IDH1: variants seen among roughly 807,000 people sequenced by gnomAD.
IDH1 encodes the protein isocitrate dehydrogenase (NADP(+)) 1.
IDH1 carries 33 observed loss-of-function variants against 46.1 expected under a neutral mutation model. The ratio of observed to expected loss-of-function variants is 0.72; its 90% CI spans 0.54 to 0.96. IDH1 has a LOEUF of 0.96. IDH1 is among the 40% of genes least tolerant of loss of function. The pLI is 0.00. For missense variants in IDH1, 421 were observed against 515.7 expected (o/e 0.82, Z 1.78); for synonymous variants, 144 against 172.8 (o/e 0.83, Z 1.31).
intron 9 of IDH1, among the ~76,000 whole-genome samples, chr2:208,237,464 C>T (rs1185551690): frequency 6.6e-6 from 1 of 152,104 alleles, no homozygotes; most frequent in African/African-American, 2.4e-5. Context: ...AGTTTCGGTT[C>T]AGACTAATGC....
chr2:208,250,262 C>T (rs1303099605), intron 3 of IDH1, among the ~76,000 whole-genome samples: 4 of 150,602 alleles, frequency 2.7e-5, no homozygotes, highest in African/African-American at 9.8e-5. Context: ...AGTTCACCTA[C>T]TGTCATGTAA....
chr2:208,238,969 T>C (rs529117793), intron 9 of IDH1, 102 bp downstream of exon 9: 46 of 1,068,024 alleles, frequency 4.3e-5, no homozygotes, highest in Admixed American at 4.1e-4. Flanking sequence ...CTGAACTAGA[T>C]GATGAATAAC....
At position 208,242,077 on chromosome 2, in the gene IDH1, G is replaced by T. The variant is rs765037248; in HGVS notation, c.767C>A (p.Ala256Asp). 4.3e-6 allele frequency: 7 copies of T among 1,613,488 alleles called. No individual in the cohort carries two copies. The highest frequency in any genetic ancestry group is 5.9e-6 in the Non-Finnish European group (7 of 1,179,846). ...YEHRLIDDMVAQAMKSEGGFI... is the reference protein window; with the variant it reads ...YEHRLIDDMVDQAMKSEGGFI... ...GCCTCCCTCTGATTTCATAGCTTGG[G>T]CCACCATGTCGTCGATGAGCCTATG... is the stretch of plus-strand genomic sequence containing the variant. The change falls in exon 7 of 10, where the codon GCC becomes GAC. Residue 256 changes from alanine (A) to aspartate (D), a missense_variant. Coordinates refer to ENST00000345146, the MANE Select transcript of IDH1 (RefSeq NM_005896.4).
At chr2:208,240,904 C>G (rs968426243) in intron 7 of IDH1, among the ~76,000 whole-genome samples, 24 of 152,168 alleles carry the variant, frequency 1.6e-4, no homozygotes, top group African/African-American at 5.6e-4. Flanking sequence ...AAAAAGTTAT[C>G]TTTAACCAGG....
chr2:208,250,556 G>A (rs1291636288), intron 3 of IDH1, among the ~76,000 whole-genome samples: 1 of 152,164 alleles, frequency 6.6e-6, no homozygotes, highest in Non-Finnish European at 1.5e-5. Context: ...TGGCTGAAAC[G>A]TGTTGCTCAA....
intron 4 of IDH1, chr2:208,248,168 G>A (rs557800922): frequency 3.2e-4 from 185 of 586,738 alleles, no homozygotes; most frequent in Admixed American, 9.2e-4. Context: ...TGAGATGGAC[G>A]CCTATTTGTA....
rs1688060354 is a variant in IDH1, at chr2:208,248,355, C to T, written c.414+14G>A. ...AAAAACATGCAAAATCACATTATTG[C>T]CAACATGACTTACTTGATCCCCATA... On this transcript the variant is annotated intron_variant, in intron 4 of 9. Coordinates refer to ENST00000345146, the MANE Select transcript of IDH1 (RefSeq NM_005896.4). 6.2e-7 allele frequency: 1 copy of T among 1,610,456 alleles called. No individual in the cohort carries two copies. The highest frequency in any genetic ancestry group is 2.2e-5 in the East Asian group (1 of 44,854).
Position 208,239,230 on chromosome 2 carries a change from G to C in IDH1, c.995C>G (p.Ser332Cys), listed in dbSNP as rs1687873240. 1 of 1,613,758 alleles carries C rather than the reference G, an allele frequency of 6.2e-7. No homozygotes were observed. The highest frequency in any genetic ancestry group is 1.1e-5 in the South Asian group (1 of 91,066). ...TAACCCTCTGGTCCAGGCAAAAATG[G>C]AAGCTAAAAGAGGGGAAAAAAAACA... ...GQETSTNPIA[S>C]IFAWTRGLAH... The change falls in exon 9 of 10, where the codon TCC (serine) becomes TGC (cysteine). Residue 332 changes from serine (S) to cysteine (C), a missense_variant. Physicochemically the swap from Ser to Cys is moderately radical, Grantham distance 112. Transcript: ENST00000345146.
At chr2:208,251,236 C>G in intron 3 of IDH1, 194 bp downstream of exon 3, 1 of 439,662 alleles carries the variant, frequency 2.3e-6, no homozygotes, top group Non-Finnish European at 4.0e-6. Context: ...TTTCCTGTTT[C>G]TCCTTCCCTT....
rs115251213 is a variant in IDH1, at chr2:208,250,077, A to G, written c.122+1353T>C. ...AAAAGAACCAGTCAGTGATAATAAT[A>G]GGAATTTTGGAAAAATTTAAAACTT... On this transcript the variant is annotated intron_variant, in intron 3 of 9. Coordinates refer to ENST00000345146, the MANE Select transcript of IDH1 (RefSeq NM_005896.4). Among the ~76,000 whole-genome samples, 1,177 of 152,284 alleles carry G rather than the reference A, an allele frequency of 7.7e-3. 6 individuals carry two copies. The highest frequency in any genetic ancestry group is 0.026 in the African/African-American group (1,086 of 41,538).
intron 3 of IDH1, chr2:208,251,184 C>G: frequency 2.7e-6 from 1 of 369,370 alleles, no homozygotes. Context: ...ATAAAAAAAG[C>G]TAACTTCACC....
intron 2 of IDH1, among the ~76,000 whole-genome samples, chr2:208,252,213 A>T (rs141777039): frequency 3.3e-5 from 5 of 152,380 alleles, no homozygotes; most frequent in African/African-American, 1.2e-4. Flanking sequence ...TCCTAGAGAT[A>T]ACACAGACAT....
chr2:208,246,584 A>G (rs1688025587), intron 4 of IDH1, among the ~76,000 whole-genome samples: 1 of 151,418 alleles, frequency 6.6e-6, no homozygotes, highest in Admixed American at 6.6e-5. Context: ...CTCTTTCTGG[A>G]CTTTAATAAA....
At chr2:208,247,459 G>C (rs1688044946) in intron 4 of IDH1, 1 of 150,986 alleles carries the variant, frequency 6.6e-6, no homozygotes, top group Admixed American at 6.6e-5. Context: ...TTTCTTTTTC[G>C]AGACAGGGTC....
intron 4 of IDH1, 141 bp from the exon 5 acceptor site, chr2:208,245,565 T>TTTC (rs1688003180): frequency 1.6e-6 from 1 of 617,344 alleles, no homozygotes; most frequent in South Asian, 1.8e-5. Flanking sequence ...TTTTTTTTTT[T>TTTC]AGGAGATGGG....
rs1688189785 is a variant in IDH1, at chr2:208,255,064, A to G, written c.-216T>C. Reference sequence around the variant, plus strand: ...CCTCCGCTTCTGAAGTAGACTCTGCAGAAACCCGGGACCACAGGGTAGGTC... The same window carrying G: ...CCTCCGCTTCTGAAGTAGACTCTGCGGAAACCCGGGACCACAGGGTAGGTC... On this transcript the variant is annotated 5_prime_UTR_variant, in exon 1 of 10. Transcript: ENST00000345146. 6.6e-6 allele frequency: 1 copy of G among 152,278 alleles called. No individual in the cohort carries two copies. The highest frequency in any genetic ancestry group is 2.4e-5 in the African/African-American group (1 of 41,440). 9.4% of individuals were successfully genotyped at this position (152,278 alleles called of 1,614,324 possible).
chr2:208,252,178 C>T lies in IDH1; in HGVS notation c.-16-611G>A, dbSNP rs79246690. On this transcript the variant is annotated intron_variant, in intron 2 of 9. Coordinates refer to ENST00000345146, the MANE Select transcript of IDH1 (RefSeq NM_005896.4). Reference sequence around the variant, plus strand: ...GGAAACTTTAAGTCTAAAAGCGAGACGAAGAATTCCTGGTGGAACTGTTTT... The same window carrying T: ...GGAAACTTTAAGTCTAAAAGCGAGATGAAGAATTCCTGGTGGAACTGTTTT... 2.4e-3 allele frequency among the ~76,000 whole-genome samples: 361 copies of T among 152,336 alleles called. 1 individual carries two copies. Among genetic ancestry groups the T allele is most frequent in the Middle Eastern group, 3.4e-3 (1 of 294 alleles).
At chr2:208,250,828 G>C (rs942174127) in intron 3 of IDH1, among the ~76,000 whole-genome samples, 1 of 152,152 alleles carries the variant, frequency 6.6e-6, no homozygotes, top group African/African-American at 2.4e-5. Context: ...AAGGGCAAAA[G>C]GTGAGGCATG....
At chr2:208,243,350 T>A in intron 6 of IDH1, 77 bp downstream of exon 6, 2 of 1,084,624 alleles carry the variant, frequency 1.8e-6, no homozygotes, top group Admixed American at 3.5e-5. Flanking sequence ...ATCATAGGGA[T>A]AGGGAGATAC....
Sources: allele counts gnomAD v4.1 joint callset (sites outside exome capture counted in the v4.1 genomes callset), GRCh38; gene constraint gnomAD v4.1.1; transcripts MANE v1.5; gene names NCBI Gene and HGNC (gene_info 2026-07-23, HGNC 2026-07-21).